RANBP2: variants seen among roughly 807,000 people sequenced by gnomAD.
RANBP2 encodes RAN binding protein 2.
Under a neutral mutation model 303.6 loss-of-function variants are expected in RANBP2, and 57 were observed. The ratio of observed to expected loss-of-function variants is 0.19; its 90% CI spans 0.15 to 0.23. The LOEUF (loss-of-function observed/expected upper bound fraction) is 0.23. Ranked by LOEUF, RANBP2 falls within the 10% of genes least tolerant of loss-of-function variation. The pLI, the probability that RANBP2 is intolerant of heterozygous loss-of-function variation, is 1.00. For missense variants in RANBP2, 3,138 were observed against 3,780.8 expected (o/e 0.83, Z 4.46); for synonymous variants, 1,167 against 1,301.5 (o/e 0.90, Z 2.23).
At chr2:108,919,644 C>T in the RANBP2 span, among the ~76,000 whole-genome samples, 8 of 152,188 alleles carry the variant, frequency 5.3e-5, no homozygotes, top group Non-Finnish European at 8.8e-5. Flanking sequence ...AGGTGTGAGC[C>T]ACTGCGCCTG....
chr2:109,248,877 TTCCTG>T, the RANBP2 span, among the ~76,000 whole-genome samples: 1 of 76,734 alleles, frequency 1.3e-5, no homozygotes, highest in Non-Finnish European at 2.6e-5. Flanking sequence ...TTCCTTTCCT[TTCCTG>T]TCCTTTCCTG....
the RANBP2 span, among the ~76,000 whole-genome samples, chr2:109,611,479 GA>G: frequency 3.4e-5 from 5 of 148,272 alleles, no homozygotes; most frequent in South Asian, 2.1e-4. Flanking sequence ...AAACCCAACA[GA>G]AAAAAAAAAT....
the RANBP2 span, among the ~76,000 whole-genome samples, chr2:108,858,446 G>A: frequency 2.0e-5 from 3 of 152,162 alleles, no homozygotes; most frequent in African/African-American, 7.2e-5. Flanking sequence ...AAGCCGTATT[G>A]TGTTTAGTGA....
chr2:109,513,569 ACAC>A, the RANBP2 span, among the ~76,000 whole-genome samples: 5 of 151,988 alleles, frequency 3.3e-5, no homozygotes, highest in African/African-American at 1.2e-4. Context: ...TGCACACACC[ACAC>A]AAGCCACGTG....
At chr2:109,042,745 C>T in the RANBP2 span, among the ~76,000 whole-genome samples, 2 of 152,196 alleles carry the variant, frequency 1.3e-5, no homozygotes, top group East Asian at 1.9e-4. Context: ...TAGTCCACAT[C>T]TAGTCCACAT....
chr2:109,525,010 G>A, the RANBP2 span, among the ~76,000 whole-genome samples: 1 of 151,136 alleles, frequency 6.6e-6, no homozygotes, highest in Non-Finnish European at 1.5e-5. Context: ...TTCTGCAGCT[G>A]CCTGCTGTCC....
chr2:109,297,957 C>G, the RANBP2 span, among the ~76,000 whole-genome samples: 4 of 151,394 alleles, frequency 2.6e-5, no homozygotes, highest in Non-Finnish European at 1.5e-5. Flanking sequence ...GACTAGTGCC[C>G]CTCAACCAGG....
At chr2:109,265,622 G>A in the RANBP2 span, among the ~76,000 whole-genome samples, 22 of 152,378 alleles carry the variant, frequency 1.4e-4, no homozygotes, top group East Asian at 1.9e-3. Context: ...GGGCCTGCAT[G>A]GGTCCTGCCA....
At chr2:109,347,019 G>T in the RANBP2 span, among the ~76,000 whole-genome samples, 55 of 152,250 alleles carry the variant, frequency 3.6e-4, no homozygotes, top group African/African-American at 1.3e-3. Flanking sequence ...CATCATCCTC[G>T]TGTGTGTACC....
the RANBP2 span, among the ~76,000 whole-genome samples, chr2:108,860,787 A>G: frequency 6.6e-6 from 1 of 151,674 alleles, no homozygotes; most frequent in African/African-American, 2.4e-5. Context: ...TCTTTGCCAG[A>G]TTTTGGCATC....
chr2:109,266,255 G>A, the RANBP2 span, among the ~76,000 whole-genome samples: 7 of 151,760 alleles, frequency 4.6e-5, no homozygotes, highest in Non-Finnish European at 1.0e-4. Context: ...TGTGCTGTGT[G>A]TGTTGTGCGT....
At chr2:109,249,532 T>TTTCCTTCC in the RANBP2 span, among the ~76,000 whole-genome samples, 1,196 of 96,394 alleles carry the variant, frequency 0.012, 29 homozygotes, top group Middle Eastern at 0.02. Context: ...TCTTTCTTTC[T>TTTCCTTCC]TTCCTTCCTT....
chr2:109,344,562 G>T, the RANBP2 span, among the ~76,000 whole-genome samples: 5 of 152,196 alleles, frequency 3.3e-5, no homozygotes, highest in Non-Finnish European at 5.9e-5. Flanking sequence ...GCAGGTGCAT[G>T]AGCTTGGCCC....
the RANBP2 span, among the ~76,000 whole-genome samples, chr2:109,414,743 G>A: frequency 1.2e-3 from 184 of 152,306 alleles, 2 homozygotes; most frequent in African/African-American, 4.3e-3. Context: ...CCAGCACTGA[G>A]CCCATGGCCT....
chr2:109,250,483 A>C, the RANBP2 span, among the ~76,000 whole-genome samples: 1 of 151,914 alleles, frequency 6.6e-6, no homozygotes, highest in Non-Finnish European at 1.5e-5. Context: ...AATATTTATT[A>C]TTATTATTAA....
At chr2:109,149,717 G>A in the RANBP2 span, among the ~76,000 whole-genome samples, 5 of 152,228 alleles carry the variant, frequency 3.3e-5, no homozygotes, top group African/African-American at 7.2e-5. Flanking sequence ...TGGTGCTTAC[G>A]TTCTAATTGG....
the RANBP2 span, among the ~76,000 whole-genome samples, chr2:109,744,032 G>A: frequency 5.2e-4 from 53 of 101,600 alleles, 12 homozygotes; most frequent in East Asian, 9.7e-3. Flanking sequence ...CCATTGATGG[G>A]CACCTAAGTT....
At chr2:108,775,962 G>A (rs1677864037) in intron 24 of RANBP2, 26 bp downstream of exon 24, 2 of 1,580,492 alleles carry the variant, frequency 1.3e-6, no homozygotes, top group South Asian at 1.1e-5. Context: ...TGTTTATCAT[G>A]TGTTACATAA....
chr2:108,804,212 C>A, the RANBP2 span, among the ~76,000 whole-genome samples: 1 of 151,956 alleles, frequency 6.6e-6, no homozygotes, highest in Non-Finnish European at 1.5e-5. Context: ...TGTTTTAAAG[C>A]TTTATAAGTA....
Sources: allele counts gnomAD v4.1 joint callset (sites outside exome capture counted in the v4.1 genomes callset), GRCh38; gene constraint gnomAD v4.1.1; transcripts MANE v1.5; gene names NCBI Gene and HGNC (gene_info 2026-07-23, HGNC 2026-07-21).